INTS7: variants seen among roughly 807,000 people sequenced by gnomAD.
INTS7 encodes chromosome 1 open reading frame 73.
In INTS7, 46 loss-of-function variants were observed where a neutral mutation model predicts 109.2. That is an observed-to-expected ratio of 0.42 (90% CI 0.33 to 0.54). The LOEUF is 0.54. Among genes scored for constraint, INTS7 ranks in the 20% least tolerant of loss-of-function variants. The probability of loss-of-function intolerance (pLI) is 0.07; values close to 1 mark genes in which losing one functional copy is unlikely to be tolerated. For missense variants in INTS7, 929 were observed against 1,132.4 expected (o/e 0.82, Z 2.58); for synonymous variants, 412 against 402.9 (o/e 1.02, Z -0.27).
intron 7 of INTS7, among the ~76,000 whole-genome samples, chr1:211,996,951 G>A (rs1282093809): frequency 6.6e-6 from 1 of 152,096 alleles, no homozygotes; most frequent in Non-Finnish European, 1.5e-5. Flanking sequence ...TTAAGCCTGG[G>A]GGGTCAAGAC....
chr1:211,972,306 C>T (rs1571863581), intron 13 of INTS7, among the ~76,000 whole-genome samples: 1 of 152,130 alleles, frequency 6.6e-6, no homozygotes, highest in Non-Finnish European at 1.5e-5. Flanking sequence ...TAAGCTGGTT[C>T]CTCTGATTCA....
intron 17 of INTS7, among the ~76,000 whole-genome samples, chr1:211,947,557 C>A (rs1188349845): frequency 6.6e-6 from 1 of 152,090 alleles, no homozygotes; most frequent in Non-Finnish European, 1.5e-5. Flanking sequence ...GCTCCTTTCA[C>A]GGGGGCACTA....
intron 8 of INTS7, among the ~76,000 whole-genome samples, chr1:211,987,046 C>G (rs1664923424): frequency 6.6e-6 from 1 of 152,130 alleles, no homozygotes; most frequent in Non-Finnish European, 1.5e-5. Context: ...CCTGTAACCC[C>G]AGCACTTTGA....
At chr1:212,026,496 G>A (rs1666926143) in intron 1 of INTS7, among the ~76,000 whole-genome samples, 1 of 152,110 alleles carries the variant, frequency 6.6e-6, no homozygotes, top group Admixed American at 6.6e-5. Context: ...TGCCTCTGAA[G>A]CTCTAGAAAT....
At chr1:212,005,414 T>C in intron 7 of INTS7, among the ~76,000 whole-genome samples, 1 of 152,234 alleles carries the variant, frequency 6.6e-6, no homozygotes, top group Non-Finnish European at 1.5e-5. Context: ...AATGTTCTAT[T>C]TCTAGCTGGA....
intron 16 of INTS7, chr1:211,966,062 A>G (rs1324614796): frequency 6.3e-6 from 1 of 159,460 alleles, no homozygotes; most frequent in African/African-American, 2.4e-5. Context: ...GGGGGAGGGG[A>G]AAAATTTAAA....
At chr1:211,977,603 A>T (rs185629319) in intron 11 of INTS7, among the ~76,000 whole-genome samples, 1 of 152,360 alleles carries the variant, frequency 6.6e-6, no homozygotes, top group African/African-American at 2.4e-5. Flanking sequence ...TTTTTCCCAC[A>T]TTCTAAATTA....
chr1:211,969,551 CTTTTTTTTTTTTTT>C (rs36104773), intron 13 of INTS7, among the ~76,000 whole-genome samples: 1 of 85,018 alleles, frequency 1.2e-5, no homozygotes, highest in Non-Finnish European at 2.4e-5. Flanking sequence ...TTTTTCTTTT[CTTTTTTTTTTTTTT>C]TTTTTTTTGA....
chr1:212,009,622 G>A (rs1463024043), intron 5 of INTS7, among the ~76,000 whole-genome samples: 5 of 152,118 alleles, frequency 3.3e-5, no homozygotes, highest in African/African-American at 4.8e-5. Context: ...AAGCTATTAC[G>A]GGTTCAAGAA....
chr1:211,977,742 T>C (rs1664481531), intron 11 of INTS7, among the ~76,000 whole-genome samples: 1 of 152,206 alleles, frequency 6.6e-6, no homozygotes, highest in South Asian at 2.1e-4. Flanking sequence ...ACAGCTTCTG[T>C]TTCTTTCTAA....
intron 1 of INTS7, among the ~76,000 whole-genome samples, chr1:212,024,537 C>T (rs1666839294): frequency 6.6e-6 from 1 of 152,154 alleles, no homozygotes; most frequent in Admixed American, 6.5e-5. Context: ...GAAATGAAAA[C>T]ATATGTCCAC....
At chr1:211,992,988 C>G (rs1291837578) in intron 7 of INTS7, among the ~76,000 whole-genome samples, 1 of 152,216 alleles carries the variant, frequency 6.6e-6, no homozygotes, top group African/African-American at 2.4e-5. Context: ...ACTAGAGGCT[C>G]TGGCCTGAAT....
At chr1:212,016,830 A>C (rs1014154481) in intron 4 of INTS7, 56 bp downstream of exon 4, 9 of 1,488,346 alleles carry the variant, frequency 6.0e-6, no homozygotes, top group Admixed American at 2.2e-5. Context: ...TTTTTCCTTC[A>C]AAAATTTTTC....
rs1039372936 is a variant in INTS7, at chr1:211,978,320, C to G, written c.1422G>C (p.Leu474=). 43 of 1,614,082 alleles carry G rather than the reference C, an allele frequency of 2.7e-5. No homozygotes were observed. Among genetic ancestry groups the G allele is most frequent in the Non-Finnish European group, 3.6e-5 (42 of 1,180,042 alleles). ...GDGMLGDLME[L]YKVIGRSATD... The stretch of plus-strand genomic sequence containing the variant: ...TGGCTGATCGTCCAATCACCTTGTA[C>G]AGCTCCATGAGGTCACCAAGCATCC... Residue 474 remains leucine (L), a synonymous_variant, in exon 11 of 20, where the codon CTG becomes CTC. Transcript: ENST00000366994.
chr1:212,016,168 CATACAA>C (rs1666433044), intron 4 of INTS7, among the ~76,000 whole-genome samples: 1 of 152,154 alleles, frequency 6.6e-6, no homozygotes, highest in East Asian at 1.9e-4. Flanking sequence ...AACCAGCATC[CATACAA>C]ATAATTATCA....
At chr1:211,998,663 G>GA (rs1200458419) in intron 7 of INTS7, among the ~76,000 whole-genome samples, 1 of 143,046 alleles carries the variant, frequency 7.0e-6, no homozygotes, top group Non-Finnish European at 1.6e-5. Context: ...ACCTATAAAA[G>GA]AAAAAAACAT....
At chr1:212,011,665 TAC>T (rs774987833) in intron 4 of INTS7, 1 of 406,348 alleles carries the variant, frequency 2.5e-6, no homozygotes, top group South Asian at 6.1e-5. Flanking sequence ...ATTACCACAA[TAC>T]AGTGTTATTT....
At position 212,035,526 on chromosome 1, in the gene INTS7, T is replaced by A; in HGVS notation, c.-89A>T. On this transcript the variant is annotated 5_prime_UTR_variant, in exon 1 of 20. Coordinates refer to ENST00000366994, the MANE Select transcript of INTS7 (RefSeq NM_015434.4). Reference sequence around the variant, plus strand: ...TCTTCCCCCGCCGCCTTCTTGCTGGTTTTTCTTCCGCGCGCTGTCAAGCCC... The same window carrying A: ...TCTTCCCCCGCCGCCTTCTTGCTGGATTTTCTTCCGCGCGCTGTCAAGCCC... 5 of 1,059,532 alleles carry A rather than the reference T, an allele frequency of 4.7e-6. 1 individual carries two copies. In the South Asian group the frequency reaches 6.4e-5, roughly 14 times the overall value. 65.6% of individuals were successfully genotyped at this position (1,059,532 alleles called of 1,614,324 possible). A position where few individuals can be genotyped will look rare whatever the true frequency, so the allele number is the denominator to read the frequency against.
At chr1:212,001,314 G>C (rs1252919531) in intron 7 of INTS7, among the ~76,000 whole-genome samples, 1 of 151,926 alleles carries the variant, frequency 6.6e-6, no homozygotes, top group Non-Finnish European at 1.5e-5. Flanking sequence ...GCTTCCCAAA[G>C]TGCTGGGATT....
Sources: allele counts gnomAD v4.1 joint callset (sites outside exome capture counted in the v4.1 genomes callset), GRCh38; gene constraint gnomAD v4.1.1; transcripts MANE v1.5; gene names NCBI Gene and HGNC (gene_info 2026-07-23, HGNC 2026-07-21).